The following RSRC1 variants were observed in gnomAD, a reference collection of about 807,000 sequenced individuals.
The protein encoded by RSRC1 is serine/Arginine-related protein 53.
A neutral mutation model predicts 49.1 loss-of-function variants in RSRC1; 39 were observed. That is an observed-to-expected ratio of 0.79 (90% CI 0.61 to 1.04). The LOEUF (loss-of-function observed/expected upper bound fraction) is 1.04, where lower values mean the gene tolerates loss of function less well. RSRC1 is among the 50% of genes least tolerant of loss of function. The probability of loss-of-function intolerance (pLI) is 0.00; values close to 1 mark genes in which losing one functional copy is unlikely to be tolerated. For missense variants in RSRC1, 388 were observed against 402.4 expected (o/e 0.96, Z 0.31); for synonymous variants, 143 against 130.8 (o/e 1.09, Z -0.63).
chr3:158,405,658 G>T (rs947201307), intron 6 of RSRC1, among the ~76,000 whole-genome samples: 3 of 152,050 alleles, frequency 2.0e-5, no homozygotes, highest in Non-Finnish European at 4.4e-5. Context: ...TAATCCCTTG[G>T]TAAATTAGCC....
intron 4 of RSRC1, among the ~76,000 whole-genome samples, chr3:158,290,918 G>C (rs570278471): frequency 1.7e-3 from 255 of 152,276 alleles, no homozygotes; most frequent in Non-Finnish European, 2.9e-3. Context: ...TTTTGGCCAG[G>C]TGCGGTGGCT....
intron 4 of RSRC1, among the ~76,000 whole-genome samples, chr3:158,262,975 G>T (rs1169510288): frequency 1.3e-5 from 2 of 151,896 alleles, no homozygotes; most frequent in Non-Finnish European, 2.9e-5. Context: ...TGCTCATGTT[G>T]CCTGTAATAA....
rs867787425 is a variant in RSRC1 at position 158,508,969 on chromosome 3, G to T, written c.653-28123G>T. 2.0e-5 allele frequency among the ~76,000 whole-genome samples: 3 copies of T among 152,048 alleles called. No individual in the cohort carries two copies. The South Asian group carries it at 6.2e-4, about 32-fold the overall frequency. On this transcript the variant is annotated intron_variant, in intron 7 of 9. Transcript: ENST00000611884. ...GGTTGTCTTTTTTACTTTCTTGGTT[G>T]TATTCTTTGAGACACGAATGTTTTT... is the stretch of plus-strand genomic sequence containing the variant.
At chr3:158,441,216 T>G (rs1038697471) in intron 6 of RSRC1, among the ~76,000 whole-genome samples, 1 of 152,172 alleles carries the variant, frequency 6.6e-6, no homozygotes, top group Non-Finnish European at 1.5e-5. Flanking sequence ...TATCTTTACT[T>G]TCTGACTTCT....
At chr3:158,406,887 G>A (rs544355264) in intron 6 of RSRC1, among the ~76,000 whole-genome samples, 52 of 152,106 alleles carry the variant, frequency 3.4e-4, no homozygotes, top group Non-Finnish European at 6.6e-4. Flanking sequence ...GGCTTTAGTC[G>A]GCTTCTGCTG....
chr3:158,232,875 G>GAAGA (rs1723045087), intron 4 of RSRC1, among the ~76,000 whole-genome samples: 2 of 152,066 alleles, frequency 1.3e-5, no homozygotes, highest in African/African-American at 4.8e-5. Context: ...TATATGACAT[G>GAAGA]TTTTTACTAC....
intron 7 of RSRC1, among the ~76,000 whole-genome samples, chr3:158,519,990 G>GA (rs555746235): frequency 1.3e-4 from 19 of 151,912 alleles, no homozygotes; most frequent in African/African-American, 3.9e-4. Context: ...GAAGCCAAAT[G>GA]AAAAAAAAGT....
At chr3:158,495,435 C>T (rs1578544245) in intron 7 of RSRC1, among the ~76,000 whole-genome samples, 1 of 152,048 alleles carries the variant, frequency 6.6e-6, no homozygotes, top group Admixed American at 6.6e-5. Flanking sequence ...CAGGCATGTG[C>T]CATCATGCCT....
chr3:158,474,731 T>C (rs1250550577), intron 7 of RSRC1, among the ~76,000 whole-genome samples: 1 of 152,192 alleles, frequency 6.6e-6, no homozygotes, highest in Non-Finnish European at 1.5e-5. Context: ...CAGGCTCCAC[T>C]TCTAATTCTA....
At chr3:158,512,111 C>T (rs1356424408) in intron 7 of RSRC1, among the ~76,000 whole-genome samples, 1 of 148,710 alleles carries the variant, frequency 6.7e-6, no homozygotes, top group East Asian at 1.9e-4. Flanking sequence ...TGTGCAGAAG[C>T]TCTTTAATTA....
chr3:158,427,078 G>C (rs1462108072), intron 6 of RSRC1, among the ~76,000 whole-genome samples: 1 of 151,738 alleles, frequency 6.6e-6, no homozygotes, highest in Admixed American at 6.6e-5. Context: ...GACAGGCTCA[G>C]TAGGGCACGT....
chr3:158,441,469 G>A (rs1318852814), intron 6 of RSRC1, among the ~76,000 whole-genome samples: 1 of 151,714 alleles, frequency 6.6e-6, no homozygotes, highest in Non-Finnish European at 1.5e-5. Flanking sequence ...TATTTTTGGA[G>A]CAAGAATATT....
chr3:158,296,024 A>G (rs1328172247), intron 4 of RSRC1, among the ~76,000 whole-genome samples: 1 of 152,122 alleles, frequency 6.6e-6, no homozygotes, highest in Non-Finnish European at 1.5e-5. Flanking sequence ...GCACCATTGT[A>G]TGACATACCT....
intron 4 of RSRC1, among the ~76,000 whole-genome samples, chr3:158,274,988 G>A (rs1401343135): frequency 2.0e-5 from 3 of 152,104 alleles, no homozygotes; most frequent in Non-Finnish European, 2.9e-5. Context: ...TGTGACTGAA[G>A]GGTTTCATAA....
intron 6 of RSRC1, among the ~76,000 whole-genome samples, chr3:158,359,366 C>T (rs1433407638): frequency 6.6e-6 from 1 of 152,180 alleles, no homozygotes. Context: ...TAGCCCAGAG[C>T]CTGAAAAGTG....
chr3:158,516,349 C>A (rs1273884294), intron 7 of RSRC1, among the ~76,000 whole-genome samples: 2 of 151,744 alleles, frequency 1.3e-5, no homozygotes, highest in African/African-American at 4.8e-5. Flanking sequence ...TGTTGGAGTA[C>A]CCGGCCGTGT....
intron 7 of RSRC1, among the ~76,000 whole-genome samples, chr3:158,523,758 C>G (rs1290233239): frequency 6.6e-6 from 1 of 151,976 alleles, no homozygotes; most frequent in Admixed American, 6.6e-5. Flanking sequence ...ACAAAATTGC[C>G]CATGTTTGAT....
At chr3:158,376,006 T>C (rs1732338981) in intron 6 of RSRC1, among the ~76,000 whole-genome samples, 1 of 128,598 alleles carries the variant, frequency 7.8e-6, no homozygotes, top group Non-Finnish European at 1.5e-5. Context: ...TTCTGAATTC[T>C]CTTTTTAAGG....
At chr3:158,433,594 A>G (rs1735891670) in intron 6 of RSRC1, among the ~76,000 whole-genome samples, 1 of 151,976 alleles carries the variant, frequency 6.6e-6, no homozygotes, top group African/African-American at 2.4e-5. Context: ...ATATTTTAGC[A>G]CACATATTAC....
Sources: allele counts gnomAD v4.1 joint callset (sites outside exome capture counted in the v4.1 genomes callset), GRCh38; gene constraint gnomAD v4.1.1; transcripts MANE v1.5; gene names NCBI Gene and HGNC (gene_info 2026-07-23, HGNC 2026-07-21).